CLTB: variants seen among roughly 807,000 people sequenced by gnomAD.
CLTB encodes the protein clathrin light chain B, also known as clathrin, light chain (Lcb).
CLTB carries 10 observed loss-of-function variants against 30.5 expected under a neutral mutation model. The observed-to-expected ratio is 0.33, with a 90% confidence interval of 0.20 to 0.56. The LOEUF is 0.56. CLTB is among the 20% of genes least tolerant of loss of function. The pLI is 0.91. For synonymous variants in CLTB, 102 were observed against 120.3 expected, an observed-to-expected ratio of 0.85 and a Z score of 1.00; for missense variants, 261 against 308.3, an observed-to-expected ratio of 0.85 and a Z score of 1.15.
intron 2 of CLTB, among the ~76,000 whole-genome samples, chr5:176,403,447 TTTTTG>T (rs1246837720): frequency 2.7e-5 from 4 of 147,652 alleles, no homozygotes; most frequent in South Asian, 2.2e-4. Flanking sequence ...TTTTGGTGTT[TTTTTG>T]TTTTGTTTTT....
At chr5:176,411,950 G>A (rs1757446989) in intron 1 of CLTB, among the ~76,000 whole-genome samples, 1 of 152,086 alleles carries the variant, frequency 6.6e-6, no homozygotes, top group Non-Finnish European at 1.5e-5. Flanking sequence ...GCTGAGGTGG[G>A]CAGATCACGA....
intron 2 of CLTB, chr5:176,406,125 C>G: frequency 1.0e-6 from 1 of 985,360 alleles, no homozygotes; most frequent in Non-Finnish European, 1.2e-6. Flanking sequence ...GTGACAGTGT[C>G]ACGGGCCACA....
At chr5:176,412,342 C>A (rs1757485775) in intron 1 of CLTB, among the ~76,000 whole-genome samples, 1 of 152,134 alleles carries the variant, frequency 6.6e-6, no homozygotes, top group Non-Finnish European at 1.5e-5. Context: ...GTATCCTGCA[C>A]CCTCTTGTGC....
chr5:176,416,293 G>A lies in CLTB; in HGVS notation c.71C>T (p.Ala24Val). The change falls in exon 1 of 6, where the codon GCG becomes GTG. Residue 24 changes from alanine (A) to valine (V), a missense_variant. By Grantham distance (64) the Ala-to-Val change is moderately conservative. Around this residue, in one of 3 missense-constraint regions of CLTB, gnomAD observed 113 missense variants for 102.5 expected, o/e 1.10. Transcript: ENST00000310418. ...CTCCTGCTGGGCCAGGAAGGCGGCC[G>A]CCGGGTCCTCCTCCGCCGCCTCCGG... ...GAPEAAEEDP[A>V]AAFLAQQESE... The A allele has an allele frequency of 6.2e-7, 1 of 1,605,688 alleles. No individual in the cohort carries two copies. The highest frequency in any genetic ancestry group is 8.5e-7 in the Non-Finnish European group (1 of 1,177,350).
chr5:176,393,468 G>A lies in CLTB; in HGVS notation c.519-523C>T, dbSNP rs1185477472. On this transcript the variant is annotated intron_variant, in intron 5 of 5. Transcript: ENST00000310418. The surrounding 1 kb of genome is among the most constrained non-coding windows in gnomAD (Gnocchi z 4.4). ...TGTGTGAGGATTCTCCAGAAAGACTGTGGTCAAATACCTATGGAAAACCCA... is the reference window on the plus strand; with the variant it reads ...TGTGTGAGGATTCTCCAGAAAGACTATGGTCAAATACCTATGGAAAACCCA... 6.6e-6 allele frequency among the ~76,000 whole-genome samples: 1 copy of A among 152,210 alleles called. No individual in the cohort carries two copies. The highest frequency in any genetic ancestry group is 1.5e-5 in the Non-Finnish European group (1 of 68,038).
At chr5:176,396,432 C>G (rs1756522475) in intron 5 of CLTB, 47 bp downstream of exon 5, 1 of 1,499,230 alleles carries the variant, frequency 6.7e-7, no homozygotes, top group Non-Finnish European at 9.3e-7. Context: ...CTGTGGTGGC[C>G]ATTCCCTCTC....
rs772510977 is a variant in CLTB at position 176,416,228 on chromosome 5, C to T, written c.136G>A (p.Ala46Thr). Residue 46 changes from alanine to threonine, a missense_variant, in exon 1 of 6, where the codon GCA becomes ACA. Physicochemically the swap from Ala to Thr is moderately conservative, Grantham distance 58 (BLOSUM62 0). Transcript: ENST00000310418. ...GGGGCCGCATGGCTGCCGGCAGGTG[C>T]CCCGAAGCCCTCGTCGTTCTCTATG... ...AGIENDEGFG[A>T]PAGSHAAPAQ... 1.9e-6 allele frequency: 3 copies of T among 1,598,746 alleles called. No individual in the cohort carries two copies. The highest frequency in any genetic ancestry group is 1.4e-5 in the African/African-American group (1 of 72,686).
chr5:176,400,595 G>A lies in CLTB; in HGVS notation c.235-2548C>T, dbSNP rs530600042. 3.0e-4 allele frequency among the ~76,000 whole-genome samples: 46 copies of A among 152,238 alleles called. No homozygotes were observed. In the South Asian group the frequency reaches 3.5e-3, roughly 12 times the overall value. ...TTCCAATCCAGGTCCAGCCACACCC[G>A]CTCTGGCACCCACGCCCTCCGCATT... On this transcript the variant is annotated intron_variant, in intron 2 of 5. Coordinates refer to ENST00000310418, the MANE Select transcript of CLTB (RefSeq NM_007097.5).
At chr5:176,395,007 A>C (rs1354197042) in intron 5 of CLTB, among the ~76,000 whole-genome samples, 1 of 151,910 alleles carries the variant, frequency 6.6e-6, no homozygotes, top group Non-Finnish European at 1.5e-5. Context: ...CTTCTGGATC[A>C]AGTCTGAGCT....
chr5:176,405,269 G>A (rs947322731), intron 2 of CLTB, among the ~76,000 whole-genome samples: 4 of 152,030 alleles, frequency 2.6e-5, no homozygotes, highest in African/African-American at 9.7e-5. Context: ...CAGGAGGACT[G>A]CTTGAGCCCA....
At chr5:176,396,583 A>G (rs1441550796) in intron 4 of CLTB, 51 bp from the exon 5 acceptor site, 1 of 1,347,712 alleles carries the variant, frequency 7.4e-7, no homozygotes, top group Non-Finnish European at 1.1e-6. Flanking sequence ...GCAGATGGCA[A>G]GACAGACAGG....
chr5:176,401,442 A>G (rs1756811368), intron 2 of CLTB, among the ~76,000 whole-genome samples: 1 of 152,224 alleles, frequency 6.6e-6, no homozygotes, highest in Non-Finnish European at 1.5e-5. Flanking sequence ...GTGCCAGCCC[A>G]TGTGGGTGTT....
At chr5:176,395,395 C>A (rs1756470959) in intron 5 of CLTB, among the ~76,000 whole-genome samples, 1 of 152,130 alleles carries the variant, frequency 6.6e-6, no homozygotes, top group South Asian at 2.1e-4. Context: ...GGGTGTCTTA[C>A]CAATCTGGCA....
chr5:176,405,745 C>T (rs1757082163), intron 2 of CLTB: 1 of 152,052 alleles, frequency 6.6e-6, no homozygotes, highest in African/African-American at 2.4e-5. Context: ...AGGGGCTGGG[C>T]TTTACATCCC....
chr5:176,396,289 A>G (rs1327431637), intron 5 of CLTB, among the ~76,000 whole-genome samples, 190 bp downstream of exon 5: 3 of 152,108 alleles, frequency 2.0e-5, no homozygotes, highest in Non-Finnish European at 4.4e-5. Context: ...GATTTAGCCA[A>G]GCAGCCTCCA....
intron 5 of CLTB, among the ~76,000 whole-genome samples, chr5:176,394,927 T>C (rs1756446632): frequency 1.3e-5 from 2 of 152,070 alleles, no homozygotes; most frequent in African/African-American, 4.8e-5. Context: ...CCCCCTGTGG[T>C]ATTCCACAGC....
At chr5:176,406,317 G>C (rs1265670125) in intron 2 of CLTB, 7 of 1,075,128 alleles carry the variant, frequency 6.5e-6, no homozygotes, top group Non-Finnish European at 7.9e-6. Flanking sequence ...TCAGGGCCAG[G>C]CTTGTCTCAG....
Position 176,416,332 on chromosome 5 carries a change from G to A in CLTB, c.32C>T (p.Ser11Leu), listed in dbSNP as rs766034380. 19 of 1,601,592 alleles carry A rather than the reference G, an allele frequency of 1.2e-5. No homozygotes were observed. Among genetic ancestry groups the A allele is most frequent in the Admixed American group, 1.7e-5 (1 of 59,270 alleles). The change falls in exon 1 of 6, where the codon TCG becomes TTG. Residue 11 changes from serine (S) to leucine (L), a missense_variant. This residue lies in a region of CLTB where 113 missense variants were observed against 102.5 expected (regional missense o/e 1.10). Coordinates refer to ENST00000310418, the MANE Select transcript of CLTB (RefSeq NM_007097.5). MADDFGFFSSSESGAPEAAEE... is the reference protein window; with the variant it reads MADDFGFFSSLESGAPEAAEE... ...CGCCGCCTCCGGGGCACCGCTCTCC[G>A]ACGACGAGAAGAAGCCAAAGTCATC...
At chr5:176,410,219 G>A in intron 2 of CLTB, 38 bp downstream of exon 2, 4 of 1,594,034 alleles carry the variant, frequency 2.5e-6, no homozygotes, top group Non-Finnish European at 3.4e-6. Context: ...GACCAGGGCT[G>A]TTGGTCCTTA....
Sources: allele counts gnomAD v4.1 joint callset (sites outside exome capture counted in the v4.1 genomes callset), GRCh38; gene constraint gnomAD v4.1.1; regional missense constraint gnomAD v4.1.1; non-coding constraint Gnocchi (gnomAD v3.1); transcripts MANE v1.5; gene names NCBI Gene and HGNC (gene_info 2026-07-23, HGNC 2026-07-21).